Variants in CNOT1 observed in about 807,000 individuals in gnomAD.
The protein encoded by CNOT1 is CCR4-associated factor 1.
CNOT1 carries 15 observed loss-of-function variants against 273.8 expected under a neutral mutation model. That is an observed-to-expected ratio of 0.05 (90% confidence interval 0.04 to 0.08). The LOEUF (loss-of-function observed/expected upper bound fraction) is 0.08. CNOT1 is among the 10% of genes least tolerant of loss of function. The pLI is 1.00. For synonymous variants in CNOT1, 1,022 were observed against 1,005.5 expected (o/e 1.02, Z -0.31); for missense variants, 1,644 against 2,912.2 (o/e 0.56, Z 10.02).
chr16:58,578,142 C>A lies in CNOT1; in HGVS notation c.1584+557G>T, dbSNP rs185341717. 3.3e-5 allele frequency among the ~76,000 whole-genome samples: 5 copies of A among 152,232 alleles called. No individual in the cohort carries two copies. In the East Asian group the frequency reaches 5.8e-4, roughly 18 times the overall value. On this transcript the variant is annotated intron_variant, in intron 13 of 48. Coordinates refer to ENST00000317147, the MANE Select transcript of CNOT1 (RefSeq NM_016284.5). ...GAAAGTGATGCCCTAGCAATACAGACCTTTCTTAATATTGAAATTATTAAA... is the reference window on the plus strand; with the variant it reads ...GAAAGTGATGCCCTAGCAATACAGAACTTTCTTAATATTGAAATTATTAAA...
intron 1 of CNOT1, among the ~76,000 whole-genome samples, chr16:58,629,264 C>G (rs961607447): frequency 6.6e-6 from 1 of 152,138 alleles, no homozygotes; most frequent in African/African-American, 2.4e-5. Flanking sequence ...CAAACACGGT[C>G]CCCCCCGCCA....
At chr16:58,591,264 A>T (rs558105093) in intron 2 of CNOT1, among the ~76,000 whole-genome samples, 76 of 152,370 alleles carry the variant, frequency 5.0e-4, no homozygotes, top group African/African-American at 1.6e-3. Flanking sequence ...CTAAAAAAAT[A>T]GAAGGCACAT....
chr16:58,562,279 G>C (rs2040878378), intron 16 of CNOT1, among the ~76,000 whole-genome samples: 1 of 150,196 alleles, frequency 6.7e-6, no homozygotes, highest in Admixed American at 6.6e-5. Flanking sequence ...GTGGTGGGAG[G>C]ATCGCTTGAG....
chr16:58,525,299 C>T lies in CNOT1; in HGVS notation c.6664G>A (p.Val2222Ile). The T allele has an allele frequency of 1.9e-6, 3 of 1,613,924 alleles. No individual in the cohort carries two copies. Among genetic ancestry groups the T allele is most frequent in the South Asian group, 1.1e-5 (1 of 91,066 alleles). ...ATGTGCGCAATGGCCTGAGTCCCGA[C>T]ATAGAGCACCAGTGCATTGATGAGC... ...LQLINALVLY[V>I]GTQAIAHIHN... The change falls in exon 46 of 49, where the codon GTC becomes ATC. Residue 2222 changes from valine to isoleucine, a missense_variant. By Grantham distance (29) the Val-to-Ile change is conservative. Coordinates refer to ENST00000317147, the MANE Select transcript of CNOT1 (RefSeq NM_016284.5).
chr16:58,523,590 A>G, intron 46 of CNOT1, 88 bp from the exon 47 acceptor site: 1 of 1,225,746 alleles, frequency 8.2e-7, no homozygotes, highest in Non-Finnish European at 1.1e-6. Context: ...TGGGTTTCTG[A>G]CAGAGGCTTT....
chr16:58,567,543 C>A (rs570329538), intron 16 of CNOT1, among the ~76,000 whole-genome samples: 103 of 113,148 alleles, frequency 9.1e-4, no homozygotes, highest in Non-Finnish European at 1.3e-3. Flanking sequence ...GGAGGCAAGA[C>A]ATCATCTCAA....
chr16:58,544,638 T>G (rs2040199921), intron 30 of CNOT1, among the ~76,000 whole-genome samples: 1 of 152,172 alleles, frequency 6.6e-6, no homozygotes, highest in South Asian at 2.1e-4. Flanking sequence ...CCCTTTCAAT[T>G]CCTTTTAATA....
chr16:58,588,876 T>C lies in CNOT1; in HGVS notation c.133A>G (p.Arg45Gly). ...IVNRHGPEAD[R>G]HLLRCLFSHV... ...GAAAATAGGCAGCGTAATAAATGCC[T>C]GTCTGCCTCAGGACCGTGCCGATTC... The change falls in exon 3 of 49, where the codon AGG (arginine) becomes GGG (glycine). Residue 45 changes from arginine (R) to glycine (G), a missense_variant. Physicochemically the swap from Arg to Gly is moderately radical, Grantham distance 125. Coordinates refer to ENST00000317147, the MANE Select transcript of CNOT1 (RefSeq NM_016284.5). The C allele has an allele frequency of 6.2e-7, 1 of 1,613,824 alleles. No homozygotes were observed. Among genetic ancestry groups the C allele is most frequent in the Non-Finnish European group, 8.5e-7 (1 of 1,179,946 alleles).
chr16:58,619,038 CTTTT>C (rs1192946177), intron 1 of CNOT1, among the ~76,000 whole-genome samples: 2 of 152,010 alleles, frequency 1.3e-5, no homozygotes, highest in African/African-American at 4.8e-5. Context: ...TATAAAAAAA[CTTTT>C]TTTAATTAGC....
rs114301993 is a variant in CNOT1, at chr16:58,520,811, G to A, written c.*147C>T. On this transcript the variant is annotated 3_prime_UTR_variant, in exon 49 of 49. Transcript: ENST00000317147. ...TGGAACGTGCCCACATAAGACAGGA[G>A]GCTGATCCCAACAGTAGTTGGGGCA... 1,571 of 787,688 alleles carry A rather than the reference G, an allele frequency of 2.0e-3. 21 individuals are homozygous for A. The African/African-American group carries it at 0.024, about 12-fold the overall frequency. 48.8% of individuals were successfully genotyped at this position (787,688 alleles called of 1,614,324 possible). A position where few individuals can be genotyped will look rare whatever the true frequency, so the allele number is the denominator to read the frequency against.
At chr16:58,607,342 C>T (rs1465824674) in intron 1 of CNOT1, among the ~76,000 whole-genome samples, 2 of 152,104 alleles carry the variant, frequency 1.3e-5, no homozygotes, top group African/African-American at 2.4e-5. Context: ...TTTGTTTAAG[C>T]ACTTGTATAT....
chr16:58,612,980 G>A (rs1011676497), intron 1 of CNOT1, among the ~76,000 whole-genome samples: 1 of 152,062 alleles, frequency 6.6e-6, no homozygotes, highest in African/African-American at 2.4e-5. Context: ...TTACAGATAA[G>A]GAATAGTTTA....
Position 58,624,166 on chromosome 16 carries a change from T to C in CNOT1, c.-175+5562A>G, listed in dbSNP as rs532458452. Among the ~76,000 whole-genome samples, 5 of 152,310 alleles carry C rather than the reference T, an allele frequency of 3.3e-5. No individual in the cohort carries two copies. In the South Asian group the frequency reaches 1.0e-3, roughly 32 times the overall value. On this transcript the variant is annotated intron_variant, in intron 1 of 48. Transcript: ENST00000317147. ...GGAAGTGGGGGACTGTCTATGGGAC[T>C]TGAGCTTTCAACCTGTGGGATCTGA...
At chr16:58,597,456 C>G (rs1228479424) in intron 2 of CNOT1, 2 of 189,550 alleles carry the variant, frequency 1.1e-5, no homozygotes, top group Non-Finnish European at 2.1e-5. Flanking sequence ...GCCTGAGTGA[C>G]AGAGTGAAAC....
chr16:58,535,858 C>T (rs1017483909), intron 39 of CNOT1, among the ~76,000 whole-genome samples: 4 of 152,006 alleles, frequency 2.6e-5, no homozygotes, highest in East Asian at 1.9e-4. Flanking sequence ...CTCAGCCTCC[C>T]GAGTAGCTGG....
rs1567398188 is a variant in CNOT1, at chr16:58,546,509, CCA to C, written c.3829-13_3829-12del. 2 of 1,606,806 alleles carry C rather than the reference CCA, an allele frequency of 1.2e-6. No individual in the cohort carries two copies. The highest frequency in any genetic ancestry group is 1.7e-6 in the Non-Finnish European group (2 of 1,178,036). On this transcript the variant is annotated splice_polypyrimidine_tract_variant and intron_variant, in intron 28 of 48. Coordinates refer to ENST00000317147, the MANE Select transcript of CNOT1 (RefSeq NM_016284.5). ...AAACTTCAAGTTTAACTGCACAGTT[CCA>C]GAGTTGGATTAGAATTTTTAAAAGA... is the stretch of plus-strand genomic sequence containing the variant.
Position 58,534,220 on chromosome 16 carries a change from C to T in CNOT1, c.5822G>A (p.Arg1941Gln). 1 of 1,614,116 alleles carries T rather than the reference C, an allele frequency of 6.2e-7. No individual in the cohort carries two copies. The highest frequency in any genetic ancestry group is 8.5e-7 in the Non-Finnish European group (1 of 1,180,022). Residue 1941 changes from arginine to glutamine, a missense_variant, in exon 40 of 49, where the codon CGA becomes CAA. Physicochemically the swap from Arg to Gln is conservative, Grantham distance 43 (BLOSUM62 1). This residue lies in a region of CNOT1 where 133 missense variants were observed against 328.2 expected (regional missense o/e 0.41). Coordinates refer to ENST00000317147, the MANE Select transcript of CNOT1 (RefSeq NM_016284.5). Reference sequence around the variant, plus strand: ...GTGTTTCACGAGCAGTGCAATGAGTCGAACAAAGGCATCCAGGTTGTGATA... The same window carrying T: ...GTGTTTCACGAGCAGTGCAATGAGTTGAACAAAGGCATCCAGGTTGTGATA... ...KCYHNLDAFVRLIALLVKHSG... is the reference protein window; with the variant it reads ...KCYHNLDAFVQLIALLVKHSG...
intron 1 of CNOT1, 126 bp downstream of exon 1, chr16:58,629,602 T>A (rs1215147591): frequency 6.6e-6 from 1 of 152,304 alleles, no homozygotes; most frequent in Non-Finnish European, 1.5e-5. Context: ...TGCCTCTCAC[T>A]CCCTAGAGCT....
intron 6 of CNOT1, 28 bp downstream of exon 6, chr16:58,587,173 C>T (rs746833023): frequency 7.5e-6 from 12 of 1,608,492 alleles, no homozygotes; most frequent in African/African-American, 6.7e-5. Flanking sequence ...AGTCTCACTT[C>T]GTGATATTTT....
Sources: gnomAD v4.1 joint callset for allele counts (sites outside exome capture counted in the v4.1 genomes callset) on GRCh38, gnomAD v4.1.1 for gene constraint, gnomAD v4.1.1 regional missense constraint, MANE v1.5 for transcripts, NCBI Gene and HGNC (gene_info 2026-07-23, HGNC 2026-07-21) for gene names.